The following HPSE2 variants were observed in gnomAD, a reference collection of about 807,000 sequenced individuals.
HPSE2 encodes the protein heparanase 2 (inactive), also known as inactive heparanase-2.
Under a neutral mutation model 60.5 loss-of-function variants are expected in HPSE2, and 38 were observed. That is an observed-to-expected ratio of 0.63 (90% CI 0.48 to 0.82). HPSE2 has a LOEUF of 0.82. Among genes scored for constraint, HPSE2 ranks in the 40% least tolerant of loss-of-function variants. HPSE2 has a pLI of 0.00. For missense variants in HPSE2, 713 were observed against 740.4 expected (o/e 0.96, Z 0.43); for synonymous variants, 295 against 293.2 (o/e 1.01, Z -0.06).
intron 2 of HPSE2, among the ~76,000 whole-genome samples, chr10:99,197,575 CAG>C (rs1381479738): frequency 5.9e-5 from 9 of 152,080 alleles, no homozygotes; most frequent in Non-Finnish European, 8.8e-5. Context: ...ATCCACCTGA[CAG>C]AGTTTTTTGA....
intron 3 of HPSE2, among the ~76,000 whole-genome samples, chr10:99,074,725 T>C (rs1842904748): frequency 6.6e-6 from 1 of 152,140 alleles, no homozygotes; most frequent in East Asian, 1.9e-4. Context: ...TGATTCAATC[T>C]CTTTACTCAT....
chr10:99,093,635 G>A (rs1780895067), intron 3 of HPSE2, among the ~76,000 whole-genome samples: 1 of 152,130 alleles, frequency 6.6e-6, no homozygotes, highest in Non-Finnish European at 1.5e-5. Flanking sequence ...GGAATGTCAA[G>A]TGCAAGAGCC....
intron 9 of HPSE2, among the ~76,000 whole-genome samples, chr10:98,607,230 T>G (rs1011955241): frequency 6.6e-6 from 1 of 152,156 alleles, no homozygotes; most frequent in African/African-American, 2.4e-5. Context: ...TGCACGTTGC[T>G]TCAAGGATGG....
At chr10:98,463,028 G>C (rs1940369360) in intron 11 of HPSE2, among the ~76,000 whole-genome samples, 1 of 151,630 alleles carries the variant, frequency 6.6e-6, no homozygotes, top group African/African-American at 2.4e-5. Flanking sequence ...AAAGCTTGGA[G>C]TCTTCTGAGA....
intron 2 of HPSE2, among the ~76,000 whole-genome samples, chr10:99,228,244 T>C (rs193213783): frequency 1.1e-3 from 171 of 152,156 alleles, no homozygotes; most frequent in Admixed American, 3.1e-3. Flanking sequence ...CACAGGGTAG[T>C]GAAAGTAAGC....
intron 7 of HPSE2, among the ~76,000 whole-genome samples, chr10:98,641,172 C>A (rs985166686): frequency 6.6e-6 from 1 of 152,166 alleles, no homozygotes; most frequent in Non-Finnish European, 1.5e-5. Context: ...TGAATATAAT[C>A]ATTTTCTCCT....
intron 6 of HPSE2, among the ~76,000 whole-genome samples, chr10:98,661,010 C>T (rs1361153015): frequency 6.6e-6 from 1 of 152,174 alleles, no homozygotes; most frequent in Non-Finnish European, 1.5e-5. Context: ...GGACACCCAC[C>T]TTGAATCTGG....
chr10:98,817,366 G>T lies in HPSE2; in HGVS notation c.611-73310C>A, dbSNP rs144992949. 1.1e-3 allele frequency among the ~76,000 whole-genome samples: 170 copies of T among 152,236 alleles called. 2 individuals carry two copies. Among genetic ancestry groups the T allele is most frequent in the African/African-American group, 3.8e-3 (158 of 41,556 alleles). On this transcript the variant is annotated intron_variant, in intron 3 of 11. Coordinates refer to ENST00000370552, the MANE Select transcript of HPSE2 (RefSeq NM_021828.5). ...GACTTTCTAAACAAAAGATACTTCA[G>T]AATTACAATAACCAAATTGGGGTTC...
chr10:98,647,093 A>C (rs1946790384), intron 6 of HPSE2, among the ~76,000 whole-genome samples: 1 of 152,194 alleles, frequency 6.6e-6, no homozygotes, highest in Admixed American at 6.5e-5. Context: ...TCCCAGTCAA[A>C]GCATCTTACT....
chr10:98,481,607 C>T (rs184405909), intron 11 of HPSE2, among the ~76,000 whole-genome samples: 5 of 152,260 alleles, frequency 3.3e-5, no homozygotes, highest in South Asian at 2.1e-4. Context: ...GAAGATCTAG[C>T]GTGGGCTAAA....
At chr10:98,525,548 G>C (rs1368951068) in intron 9 of HPSE2, among the ~76,000 whole-genome samples, 2 of 152,270 alleles carry the variant, frequency 1.3e-5, no homozygotes, top group African/African-American at 4.8e-5. Context: ...AGCTACAGAA[G>C]AGAAAACCAT....
chr10:99,280,817 G>C, the HPSE2 span, among the ~76,000 whole-genome samples: 67 of 152,184 alleles, frequency 4.4e-4, no homozygotes, highest in Middle Eastern at 3.4e-3. Flanking sequence ...CTGTGACCTT[G>C]AACTAGACAC....
chr10:98,550,094 C>T (rs186855776), intron 9 of HPSE2, among the ~76,000 whole-genome samples: 8 of 152,346 alleles, frequency 5.3e-5, no homozygotes, highest in African/African-American at 1.9e-4. Flanking sequence ...GATTGACTTA[C>T]TCCTGTTGGT....
intron 9 of HPSE2, among the ~76,000 whole-genome samples, chr10:98,602,142 GA>G (rs1410274062): frequency 6.6e-6 from 1 of 152,130 alleles, no homozygotes; most frequent in Non-Finnish European, 1.5e-5. Flanking sequence ...TATTTTTAAT[GA>G]ACAAAAGTAG....
At chr10:98,795,872 C>T (rs1029496292) in intron 3 of HPSE2, among the ~76,000 whole-genome samples, 3 of 152,138 alleles carry the variant, frequency 2.0e-5, no homozygotes, top group African/African-American at 7.2e-5. Flanking sequence ...CAGAATGGTG[C>T]GGCCCTCATT....
chr10:98,591,829 A>T (rs1945100135), intron 9 of HPSE2, among the ~76,000 whole-genome samples: 2 of 152,178 alleles, frequency 1.3e-5, no homozygotes. Context: ...CACGTATAAC[A>T]CTGCATTACA....
rs190608481 is a variant in HPSE2, at chr10:98,541,222, G to A, written c.1321-51026C>T. Among the ~76,000 whole-genome samples the A allele has an allele frequency of 2.7e-3, 414 of 152,246 alleles. 3 individuals carry two copies. The highest frequency in any genetic ancestry group is 6.8e-3 in the Middle Eastern group (2 of 294). On this transcript the variant is annotated intron_variant, in intron 9 of 11. Transcript: ENST00000370552. Reference sequence around the variant, plus strand: ...TGTTAAAATTAAATTTTTAAAAGGCGATCTTTGTTCTTTTGAAATGTACTG... The same window carrying A: ...TGTTAAAATTAAATTTTTAAAAGGCAATCTTTGTTCTTTTGAAATGTACTG...
intron 1 of HPSE2, 43 bp downstream of exon 1, chr10:99,235,470 T>TTA (rs1486999221): frequency 1.9e-6 from 3 of 1,590,736 alleles, no homozygotes; most frequent in African/African-American, 2.7e-5. Context: ...TGAGGGGGTG[T>TTA]TACTAAAAAA....
At chr10:99,198,353 AAC>A in intron 2 of HPSE2, among the ~76,000 whole-genome samples, 1 of 152,334 alleles carries the variant, frequency 6.6e-6, no homozygotes, top group African/African-American at 2.4e-5. Context: ...GTTCAAAAAT[AAC>A]AGTTTCCAGC....
Sources: gnomAD v4.1 joint callset for allele counts (sites outside exome capture counted in the v4.1 genomes callset) on GRCh38, gnomAD v4.1.1 for gene constraint, MANE v1.5 for transcripts, NCBI Gene and HGNC (gene_info 2026-07-23, HGNC 2026-07-21) for gene names.